The following CPA6 variants were observed in gnomAD, a reference collection of about 807,000 sequenced individuals.
CPA6 encodes carboxypeptidase A6, also known as carboxypeptidase B.
In CPA6, 58 loss-of-function variants were observed where a neutral mutation model predicts 63.3. The observed-to-expected ratio is 0.92, with a 90% CI of 0.74 to 1.14. CPA6 has a LOEUF of 1.14. Ranked by LOEUF, CPA6 falls within the 50% of genes most tolerant of loss-of-function variation. The pLI is 0.00. For missense variants in CPA6, 565 were observed against 526.6 expected (o/e 1.07, Z -0.71); for synonymous variants, 185 against 179.0 (o/e 1.03, Z -0.27).
intron 8 of CPA6, among the ~76,000 whole-genome samples, chr8:67,481,103 T>C (rs1198455329): frequency 6.6e-6 from 1 of 152,236 alleles, no homozygotes; most frequent in Non-Finnish European, 1.5e-5. Context: ...TTATGTTCCA[T>C]AGGTTTTTCT....
intron 8 of CPA6, among the ~76,000 whole-genome samples, chr8:67,447,542 CACACATACACA>C (rs1563956704): frequency 5.6e-5 from 7 of 124,364 alleles, no homozygotes; most frequent in South Asian, 2.4e-4. Flanking sequence ...CACACACACA[CACACATACACA>C]TTTTAAATAG....
At chr8:67,681,410 C>T (rs962129930) in intron 1 of CPA6, among the ~76,000 whole-genome samples, 5 of 150,954 alleles carry the variant, frequency 3.3e-5, no homozygotes, top group African/African-American at 4.9e-5. Context: ...GGGGTTTCAC[C>T]TTGTTAGCCA....
intron 1 of CPA6, among the ~76,000 whole-genome samples, chr8:67,726,065 C>A (rs996146079): frequency 1.3e-5 from 2 of 152,028 alleles, no homozygotes; most frequent in Non-Finnish European, 2.9e-5. Flanking sequence ...AAGACAAAAG[C>A]CTCTTTAATC....
intron 1 of CPA6, among the ~76,000 whole-genome samples, chr8:67,714,743 G>A (rs1158713518): frequency 6.6e-6 from 1 of 152,140 alleles, no homozygotes; most frequent in Admixed American, 6.5e-5. Flanking sequence ...TGGCAAAGTG[G>A]CAGCTCACAG....
chr8:67,520,953 C>T (rs1353375616), intron 2 of CPA6, among the ~76,000 whole-genome samples: 1 of 152,186 alleles, frequency 6.6e-6, no homozygotes, highest in African/African-American at 2.4e-5. Context: ...AATTCATATG[C>T]AGGTATTTCA....
At chr8:67,428,994 C>T (rs1809958409) in intron 9 of CPA6, among the ~76,000 whole-genome samples, 1 of 152,078 alleles carries the variant, frequency 6.6e-6, no homozygotes, top group South Asian at 2.1e-4. Context: ...TGGGTATGTA[C>T]AAGGTATTTA....
intron 2 of CPA6, among the ~76,000 whole-genome samples, chr8:67,559,580 G>A (rs890663421): frequency 3.3e-5 from 5 of 152,054 alleles, no homozygotes; most frequent in Non-Finnish European, 5.9e-5. Context: ...ATAGGAAAAG[G>A]AGGCCTGACT....
chr8:67,707,125 G>T (rs1362095596), intron 1 of CPA6, among the ~76,000 whole-genome samples: 1 of 152,136 alleles, frequency 6.6e-6, no homozygotes, highest in Non-Finnish European at 1.5e-5. Flanking sequence ...CTCTTCAAAA[G>T]ATGGCTTTAT....
chr8:67,567,853 C>T (rs1813378996), intron 2 of CPA6, among the ~76,000 whole-genome samples: 1 of 152,116 alleles, frequency 6.6e-6, no homozygotes, highest in African/African-American at 2.4e-5. Flanking sequence ...AGATGCTTCC[C>T]AGGAAGCCCA....
At chr8:67,629,455 G>C (rs1815268528) in intron 1 of CPA6, among the ~76,000 whole-genome samples, 1 of 143,584 alleles carries the variant, frequency 7.0e-6, no homozygotes, top group Non-Finnish European at 1.5e-5. Flanking sequence ...TGTCCAGCCT[G>C]GGTGACATAA....
intron 1 of CPA6, among the ~76,000 whole-genome samples, chr8:67,637,632 T>C (rs558547814): frequency 1.3e-5 from 2 of 151,486 alleles, no homozygotes; most frequent in African/African-American, 2.4e-5. Flanking sequence ...TTACAAAGCA[T>C]AGGGGAAAAT....
At chr8:67,519,181 T>C (rs868211104) in intron 2 of CPA6, among the ~76,000 whole-genome samples, 1 of 152,236 alleles carries the variant, frequency 6.6e-6, no homozygotes, top group Non-Finnish European at 1.5e-5. Context: ...CTTACTATAG[T>C]GTCCCCAGTG....
At chr8:67,722,120 C>T (rs116198956) in intron 1 of CPA6, among the ~76,000 whole-genome samples, 4,914 of 152,242 alleles carry the variant, frequency 0.032, 262 homozygotes, top group African/African-American at 0.11. Flanking sequence ...TCTATTGTTT[C>T]GGGAACTGCC....
At chr8:67,660,322 G>GTTTTTTTTTTTTT (rs869189030) in intron 1 of CPA6, among the ~76,000 whole-genome samples, 2 of 73,906 alleles carry the variant, frequency 2.7e-5, no homozygotes, top group South Asian at 6.0e-4. Context: ...ATTATTGCAG[G>GTTTTTTTTTTTTT]TTTTTTTTTT....
chr8:67,441,045 A>G (rs904762177), intron 8 of CPA6, among the ~76,000 whole-genome samples: 1 of 152,184 alleles, frequency 6.6e-6, no homozygotes, highest in African/African-American at 2.4e-5. Flanking sequence ...TTTGGGGGGA[A>G]CAAAATCCCA....
intron 1 of CPA6, among the ~76,000 whole-genome samples, chr8:67,715,353 A>C (rs1817355545): frequency 6.6e-6 from 1 of 152,242 alleles, no homozygotes; most frequent in Non-Finnish European, 1.5e-5. Flanking sequence ...TAGATGGCTC[A>C]TGCCACTCAC....
chr8:67,423,429 C>T lies in CPA6; in HGVS notation c.1127-738G>A, dbSNP rs79940194. On this transcript the variant is annotated intron_variant, in intron 10 of 10. Coordinates refer to ENST00000297770, the MANE Select transcript of CPA6 (RefSeq NM_020361.5). ...CTTCCACCTCCCTGTGTTTCCACTCCGGCTTAACCTATTCTGTGCCTTTAC... is the reference window on the plus strand; with the variant it reads ...CTTCCACCTCCCTGTGTTTCCACTCTGGCTTAACCTATTCTGTGCCTTTAC... 9.7e-3 allele frequency among the ~76,000 whole-genome samples: 1,484 copies of T among 152,330 alleles called. 16 individuals carry two copies. Among genetic ancestry groups the T allele is most frequent in the African/African-American group, 0.032 (1,332 of 41,566 alleles).
intron 2 of CPA6, among the ~76,000 whole-genome samples, chr8:67,604,744 G>T (rs992321394): frequency 1.3e-5 from 2 of 152,066 alleles, no homozygotes; most frequent in African/African-American, 4.8e-5. Flanking sequence ...GGAGATTAGA[G>T]AAAAATCTGT....
intron 1 of CPA6, among the ~76,000 whole-genome samples, chr8:67,678,884 A>G (rs1816534609): frequency 6.6e-6 from 1 of 152,250 alleles, no homozygotes; most frequent in Admixed American, 6.5e-5. Context: ...ATATCGCGAT[A>G]TGAGAATGAA....
Sources: gnomAD v4.1 joint callset for allele counts (sites outside exome capture counted in the v4.1 genomes callset) on GRCh38, gnomAD v4.1.1 for gene constraint, MANE v1.5 for transcripts, NCBI Gene and HGNC (gene_info 2026-07-23, HGNC 2026-07-21) for gene names.